Variants in ATXN1 observed in about 807,000 individuals in gnomAD.
ATXN1 encodes ataxin-1.
In ATXN1, 8 loss-of-function variants were observed where a neutral mutation model predicts 56.4. The observed-to-expected ratio is 0.14, with a 90% CI of 0.08 to 0.26. The LOEUF (loss-of-function observed/expected upper bound fraction) is 0.26, where lower values mean the gene tolerates loss of function less well. ATXN1 is among the 10% of genes least tolerant of loss of function. ATXN1 has a pLI of 1.00. For missense variants in ATXN1, 987 were observed against 1,106.5 expected (o/e 0.89, Z 1.53); for synonymous variants, 514 against 494.6 (o/e 1.04, Z -0.52).
intron 2 of ATXN1, among the ~76,000 whole-genome samples, chr6:16,749,017 T>C (rs955750140): frequency 3.3e-5 from 5 of 152,236 alleles, no homozygotes; most frequent in African/African-American, 1.2e-4. Flanking sequence ...TATATCTCTT[T>C]ATTTTCTATA....
At chr6:16,566,661 G>A (rs1200480996) in intron 4 of ATXN1, among the ~76,000 whole-genome samples, 1 of 151,954 alleles carries the variant, frequency 6.6e-6, no homozygotes, top group East Asian at 1.9e-4. Context: ...AGACCATCCT[G>A]GCGAACACTG....
In ATXN1 at chr6:16,574,581, G is replaced by A. The variant is rs556910489; in HGVS notation, c.-361+11199C>T. ...TCTGGTCTCGATCTCCTGACCTCAA[G>A]TGATCTGCCCACCTCGGCCTACCTA... On this transcript the variant is annotated intron_variant, in intron 4 of 7. Transcript: ENST00000436367. 8.5e-5 allele frequency among the ~76,000 whole-genome samples: 13 copies of A among 152,300 alleles called. No homozygotes were observed. The South Asian group carries it at 1.2e-3, about 15-fold the overall frequency.
intron 5 of ATXN1, among the ~76,000 whole-genome samples, chr6:16,487,119 C>T (rs1351093239): frequency 6.6e-6 from 1 of 152,138 alleles, no homozygotes; most frequent in Non-Finnish European, 1.5e-5. Flanking sequence ...GCCTTGTATA[C>T]TTTTGAGAAG....
Position 16,521,578 on chromosome 6 carries a change from A to G in ATXN1, c.-299+1049T>C, listed in dbSNP as rs535800435. Among the ~76,000 whole-genome samples, 53 of 152,360 alleles carry G rather than the reference A, an allele frequency of 3.5e-4. No homozygotes were observed. The South Asian group carries it at 0.011, about 30-fold the overall frequency. On this transcript the variant is annotated intron_variant, in intron 5 of 7. Transcript: ENST00000436367. Reference sequence around the variant, plus strand: ...TCTCAAAGTAAATAAATAAACAAATAAAATAAAAGAATAAATGTTTCTCAA... The same window carrying G: ...TCTCAAAGTAAATAAATAAACAAATGAAATAAAAGAATAAATGTTTCTCAA...
intron 2 of ATXN1, among the ~76,000 whole-genome samples, chr6:16,728,092 A>T (rs993357712): frequency 6.6e-6 from 1 of 152,234 alleles, no homozygotes; most frequent in African/African-American, 2.4e-5. Flanking sequence ...TTTATCACAG[A>T]GAAAGGGCTG....
At chr6:16,678,191 T>C (rs1581356977) in intron 2 of ATXN1, among the ~76,000 whole-genome samples, 1 of 152,248 alleles carries the variant, frequency 6.6e-6, no homozygotes. Flanking sequence ...CCAATGCCAA[T>C]GTTTAAGTTA....
chr6:16,691,823 C>T (rs1173270606), intron 2 of ATXN1, among the ~76,000 whole-genome samples: 2 of 152,214 alleles, frequency 1.3e-5, no homozygotes, highest in African/African-American at 4.8e-5. Context: ...TAACTCCCCA[C>T]GTGATAGTAT....
chr6:16,741,016 T>C (rs1245314410), intron 2 of ATXN1, among the ~76,000 whole-genome samples: 3 of 152,154 alleles, frequency 2.0e-5, no homozygotes, highest in Admixed American at 6.5e-5. Context: ...CGCAAATAAT[T>C]TCTGGGGTAT....
At chr6:16,599,667 C>T (rs527863194) in intron 3 of ATXN1, among the ~76,000 whole-genome samples, 10 of 150,052 alleles carry the variant, frequency 6.7e-5, no homozygotes, top group Admixed American at 1.3e-4. Context: ...GCAGAGATCG[C>T]GCCACTGCAC....
intron 6 of ATXN1, among the ~76,000 whole-genome samples, chr6:16,393,620 C>G (rs748250889): frequency 6.6e-6 from 1 of 152,180 alleles, no homozygotes; most frequent in Non-Finnish European, 1.5e-5. Flanking sequence ...TGACATATGA[C>G]CAGTGTGTCT....
chr6:16,688,343 C>T (rs760706705), intron 2 of ATXN1, among the ~76,000 whole-genome samples: 14 of 152,088 alleles, frequency 9.2e-5, no homozygotes, highest in Admixed American at 2.0e-4. Flanking sequence ...AATGAAGAAA[C>T]AATAGTTGAA....
rs111293246 is a variant in ATXN1 at position 16,754,926 on chromosome 6, G to A, written c.-729-1579C>T. On this transcript the variant is annotated intron_variant, in intron 1 of 7. Transcript: ENST00000436367. ...TACTTCTTTAAGGATGAGGAAGCAG[G>A]GAGGGAGGATCATGATGTCATCTCA... Among the ~76,000 whole-genome samples, 283 of 152,300 alleles carry A rather than the reference G, an allele frequency of 1.9e-3. 1 individual carries two copies. Among genetic ancestry groups the A allele is most frequent in the Middle Eastern group, 3.4e-3 (1 of 294 alleles).
At chr6:16,499,430 C>T (rs924885676) in intron 5 of ATXN1, among the ~76,000 whole-genome samples, 76 of 152,166 alleles carry the variant, frequency 5.0e-4, no homozygotes, top group Non-Finnish European at 7.3e-5. Flanking sequence ...TTTAAAGATG[C>T]AGCAAGTTTT....
chr6:16,537,745 A>G (rs1196253773), intron 4 of ATXN1, among the ~76,000 whole-genome samples: 2 of 152,116 alleles, frequency 1.3e-5, no homozygotes, highest in East Asian at 3.9e-4. Context: ...AAAAAAAAGA[A>G]ATGATGTTCT....
chr6:16,694,421 T>C (rs1013154334), intron 2 of ATXN1, among the ~76,000 whole-genome samples: 5 of 152,020 alleles, frequency 3.3e-5, no homozygotes, highest in Admixed American at 2.6e-4. Flanking sequence ...GCCCAGCTAA[T>C]TTTTTGTATT....
intron 6 of ATXN1, among the ~76,000 whole-genome samples, chr6:16,476,193 G>C (rs1760323766): frequency 6.6e-6 from 1 of 152,090 alleles, no homozygotes; most frequent in Admixed American, 6.6e-5. Context: ...GCCTACCCCT[G>C]TGATCAACGA....
At chr6:16,565,108 C>T (rs1762192873) in intron 4 of ATXN1, among the ~76,000 whole-genome samples, 2 of 152,160 alleles carry the variant, frequency 1.3e-5, no homozygotes, top group Non-Finnish European at 2.9e-5. Flanking sequence ...TCTGTTTCCC[C>T]ATATGAGCAT....
rs1760222894 is a variant in ATXN1 at position 16,305,612 on chromosome 6, C to T, written c.*717G>A. The T allele has an allele frequency of 6.6e-6, 1 of 152,634 alleles. No individual in the cohort carries two copies. Among genetic ancestry groups the T allele is most frequent in the Non-Finnish European group, 1.5e-5 (1 of 68,050 alleles). 9.5% of individuals were successfully genotyped at this position (152,634 alleles called of 1,614,324 possible). On this transcript the variant is annotated 3_prime_UTR_variant, in exon 8 of 8. Transcript: ENST00000436367. ...AGTAAAAAGCAGAAATGAAATCCCG[C>T]ATGTGGCAGTTGCTCTTTAAAAAAA...
At chr6:16,644,820 G>T (rs1033597489) in intron 3 of ATXN1, among the ~76,000 whole-genome samples, 1 of 152,104 alleles carries the variant, frequency 6.6e-6, no homozygotes, top group Non-Finnish European at 1.5e-5. Flanking sequence ...ACAGCTGCAG[G>T]TGAGCAAAGC....
Sources: allele counts gnomAD v4.1 joint callset (sites outside exome capture counted in the v4.1 genomes callset), GRCh38; gene constraint gnomAD v4.1.1; transcripts MANE v1.5; gene names NCBI Gene and HGNC (gene_info 2026-07-23, HGNC 2026-07-21).